Variants in SARDH observed in about 807,000 individuals in gnomAD.
SARDH encodes the protein sarcosine dehydrogenase, mitochondrial.
In SARDH, 95 loss-of-function variants were observed where a neutral mutation model predicts 109.1. The ratio of observed to expected loss-of-function variants is 0.87; its 90% CI spans 0.74 to 1.03. The LOEUF (loss-of-function observed/expected upper bound fraction) is 1.03, where lower values mean the gene tolerates loss of function less well. Among genes scored for constraint, SARDH ranks in the 50% least tolerant of loss-of-function variants. The pLI, the probability that SARDH is intolerant of heterozygous loss-of-function variation, is 0.00. For synonymous variants in SARDH, 572 were observed against 534.8 expected, an observed-to-expected ratio of 1.07 and a Z score of -0.96; for missense variants, 1,267 against 1,287.8, an observed-to-expected ratio of 0.98 and a Z score of 0.25.
intron 1 of SARDH, among the ~76,000 whole-genome samples, 193 bp from the exon 2 acceptor site, chr9:133,734,396 C>CTCGT (rs1832802794): frequency 7.8e-6 from 1 of 128,724 alleles, no homozygotes. Context: ...CATTCATTCA[C>CTCGT]TCATTCATTC....
intron 8 of SARDH, among the ~76,000 whole-genome samples, chr9:133,715,428 G>C (rs528349677): frequency 6.6e-6 from 1 of 152,296 alleles, no homozygotes; most frequent in Non-Finnish European, 1.5e-5. Flanking sequence ...AAGCTGCGGG[G>C]TGGGGGCAGT....
At chr9:133,671,051 A>C (rs550827572) in intron 18 of SARDH, among the ~76,000 whole-genome samples, 5 of 152,146 alleles carry the variant, frequency 3.3e-5, no homozygotes, top group South Asian at 2.1e-4. Flanking sequence ...CCCAACACCC[A>C]GGGGAGCTGC....
chr9:133,664,398 TC>T (rs944023933), intron 20 of SARDH, among the ~76,000 whole-genome samples: 76 of 152,318 alleles, frequency 5.0e-4, no homozygotes, highest in African/African-American at 1.7e-3. Flanking sequence ...CCGGCTCGAA[TC>T]CCTCGGGGCA....
At chr9:133,669,508 T>C (rs1310026708) in intron 19 of SARDH, among the ~76,000 whole-genome samples, 4 of 151,640 alleles carry the variant, frequency 2.6e-5, no homozygotes, top group Non-Finnish European at 5.9e-5. Context: ...GGAGGGCCTC[T>C]GATCAGGGCC....
At chr9:133,702,632 G>C (rs967071400) in intron 13 of SARDH, among the ~76,000 whole-genome samples, 1 of 152,194 alleles carries the variant, frequency 6.6e-6, no homozygotes, top group African/African-American at 2.4e-5. Context: ...CAGCCCCACC[G>C]GGCCCCAGCC....
At chr9:133,733,718 C>A in intron 2 of SARDH, 125 bp downstream of exon 2, 1 of 983,318 alleles carries the variant, frequency 1.0e-6, no homozygotes. Flanking sequence ...TGGCCATGCA[C>A]CCTTCCCCAG....
intron 20 of SARDH, among the ~76,000 whole-genome samples, chr9:133,665,153 G>A (rs1035633037): frequency 1.1e-4 from 16 of 152,204 alleles, no homozygotes; most frequent in African/African-American, 2.6e-4. Context: ...GACGTGCACC[G>A]GCCGCTCTGG....
Position 133,732,541 on chromosome 9 carries a change from C to G in SARDH, c.392G>C (p.Arg131Pro), listed in dbSNP as rs199762648. The G allele has an allele frequency of 1.9e-6, 3 of 1,613,762 alleles. No homozygotes were observed. Among genetic ancestry groups the G allele is most frequent in the Non-Finnish European group, 2.5e-6 (3 of 1,179,904 alleles). ...VEVELLAHTRRVVSRELEEET... is the reference protein window; with the variant it reads ...VEVELLAHTRPVVSRELEEET... ...CTCCTCCAGCTCCCGGCTCACCACC[C>G]GCCGAGTGTGGGCCAGAAGCTCCAC... The change falls in exon 3 of 21, where the codon CGG becomes CCG. Residue 131 changes from arginine to proline, a missense_variant. Arg to Pro is a moderately radical substitution (Grantham distance 103). Transcript: ENST00000439388.
rs139816211 is a variant in SARDH at position 133,714,103 on chromosome 9, C to T, written c.1151-979G>A. 2.6e-3 allele frequency among the ~76,000 whole-genome samples: 399 copies of T among 152,338 alleles called. 2 individuals are homozygous for T. Among genetic ancestry groups the T allele is most frequent in the African/African-American group, 9.2e-3 (384 of 41,580 alleles). ...GTTAGACTCTAGATGAGGAAGCGGC[C>T]GGCCCTGGTCTGAGGGACCCCAGGG... is the stretch of plus-strand genomic sequence containing the variant. On this transcript the variant is annotated intron_variant, in intron 8 of 20. Coordinates refer to ENST00000439388, the MANE Select transcript of SARDH (RefSeq NM_001134707.2).
In SARDH at chr9:133,693,678, G is replaced by A. The variant is rs1011745007; in HGVS notation, c.1921+580C>T. On this transcript the variant is annotated intron_variant, in intron 15 of 20. Transcript: ENST00000439388. This position sits in a 1 kb window ranked among gnomAD's most constrained non-coding sequence, Gnocchi z 5.6. ...AGGGACAGGATCAGGGAGCTGAAGGGACAAGAGGCAGGTCCTGGCTCTGCG... is the reference window on the plus strand; with the variant it reads ...AGGGACAGGATCAGGGAGCTGAAGGAACAAGAGGCAGGTCCTGGCTCTGCG... 6.6e-6 allele frequency among the ~76,000 whole-genome samples: 1 copy of A among 152,216 alleles called. No individual in the cohort carries two copies. Among genetic ancestry groups the A allele is most frequent in the African/African-American group, 2.4e-5 (1 of 41,450 alleles).
chr9:133,710,278 G>A (rs188404425), intron 10 of SARDH, among the ~76,000 whole-genome samples: 4 of 152,334 alleles, frequency 2.6e-5, no homozygotes, highest in South Asian at 2.1e-4. Context: ...GAACAGGAGC[G>A]ACTGACCAAG....
rs1388211773 is a variant in SARDH, at chr9:133,728,726, G to A, written c.915+1039C>T. On this transcript the variant is annotated intron_variant, in intron 6 of 20. Coordinates refer to ENST00000439388, the MANE Select transcript of SARDH (RefSeq NM_001134707.2). The surrounding 1 kb of genome is among the most constrained non-coding windows in gnomAD (Gnocchi z 5.0). ...TTATGGCCACAGCTTCTAGAATAGG[G>A]CCTGAAACACCAAGCTCACCCATCA... Among the ~76,000 whole-genome samples the A allele has an allele frequency of 6.6e-6, 1 of 152,176 alleles. No homozygotes were observed. Among genetic ancestry groups the A allele is most frequent in the African/African-American group, 2.4e-5 (1 of 41,440 alleles).
At chr9:133,721,143 T>A (rs1035904705) in intron 6 of SARDH, among the ~76,000 whole-genome samples, 1 of 152,058 alleles carries the variant, frequency 6.6e-6, no homozygotes, top group Admixed American at 6.5e-5. Context: ...AGTCCTCCGA[T>A]TGAAAATCAC....
Position 133,686,201 on chromosome 9 carries a change from C to T in SARDH, c.2070-915G>A, listed in dbSNP as rs1830880012. ...GGTGGGGATTCGCTCCCCACTTTCC[C>T]TGCTCCGTGGTACCCAGCACCACAT... On this transcript the variant is annotated intron_variant, in intron 16 of 20. Coordinates refer to ENST00000439388, the MANE Select transcript of SARDH (RefSeq NM_001134707.2). The surrounding 1 kb of genome is among the most constrained non-coding windows in gnomAD (Gnocchi z 4.0). Among the ~76,000 whole-genome samples the T allele has an allele frequency of 6.6e-6, 1 of 152,064 alleles. No individual in the cohort carries two copies. The highest frequency in any genetic ancestry group is 2.1e-4 in the South Asian group (1 of 4,826).
intron 8 of SARDH, among the ~76,000 whole-genome samples, chr9:133,713,759 C>A (rs1283450290): frequency 6.6e-6 from 1 of 152,224 alleles, no homozygotes; most frequent in African/African-American, 2.4e-5. Flanking sequence ...CCTGCTTCAC[C>A]CCTTCCTAGC....
intron 8 of SARDH, among the ~76,000 whole-genome samples, chr9:133,715,013 T>C (rs1564284735): frequency 6.6e-6 from 1 of 152,296 alleles, no homozygotes; most frequent in South Asian, 2.1e-4. Flanking sequence ...CGAGGACACA[T>C]GGGACCTCCA....
At chr9:133,672,425 G>A (rs1588381622) in intron 17 of SARDH, among the ~76,000 whole-genome samples, 2 of 152,198 alleles carry the variant, frequency 1.3e-5, no homozygotes, top group South Asian at 4.1e-4. Flanking sequence ...AGTGACCTGG[G>A]GCAAGCTTCT....
At chr9:133,701,521 G>A (rs1412844709) in intron 13 of SARDH, among the ~76,000 whole-genome samples, 1 of 152,262 alleles carries the variant, frequency 6.6e-6, no homozygotes, top group Non-Finnish European at 1.5e-5. Context: ...TCGTGCTTTA[G>A]GACGGCTTCA....
At chr9:133,719,201 A>G (rs1303647558) in intron 6 of SARDH, among the ~76,000 whole-genome samples, 159 bp from the exon 7 acceptor site, 1 of 152,186 alleles carries the variant, frequency 6.6e-6, no homozygotes, top group Non-Finnish European at 1.5e-5. Context: ...CGGGGCCTCA[A>G]GTTACACACA....
Sources: allele counts gnomAD v4.1 joint callset (sites outside exome capture counted in the v4.1 genomes callset), GRCh38; gene constraint gnomAD v4.1.1; non-coding constraint Gnocchi (gnomAD v3.1); transcripts MANE v1.5; gene names NCBI Gene and HGNC (gene_info 2026-07-23, HGNC 2026-07-21).